The following OR6N1 variants were observed in gnomAD, a reference collection of about 807,000 sequenced individuals.
OR6N1 encodes the protein olfactory receptor family 6 subfamily N member 1.
For missense variants in OR6N1, 394 were observed against 371.7 expected, an observed-to-expected ratio of 1.06 and a Z score of -0.49; for synonymous variants, 170 against 150.7, an observed-to-expected ratio of 1.13 and a Z score of -0.94.
the OR6N1 span, among the ~76,000 whole-genome samples, chr1:158,820,282 G>A: frequency 6.6e-6 from 1 of 152,218 alleles, no homozygotes; most frequent in South Asian, 2.1e-4. Flanking sequence ...GCATGTCACA[G>A]TGCTGCAGAG....
chr1:158,783,163 C>T, the OR6N1 span, among the ~76,000 whole-genome samples: 1 of 152,132 alleles, frequency 6.6e-6, no homozygotes, highest in East Asian at 1.9e-4. Context: ...CCCCTTGTCA[C>T]TTCCCCTCAT....
chr1:158,805,118 G>A, the OR6N1 span, among the ~76,000 whole-genome samples: 1 of 152,136 alleles, frequency 6.6e-6, no homozygotes, highest in East Asian at 1.9e-4. Flanking sequence ...TGTTTGCCCA[G>A]TACAACTGTG....
At chr1:158,798,320 G>T in the OR6N1 span, among the ~76,000 whole-genome samples, 1 of 149,002 alleles carries the variant, frequency 6.7e-6, no homozygotes, top group African/African-American at 2.5e-5. Flanking sequence ...TTTTAAACTT[G>T]AATGCTTAGT....
At chr1:158,829,617 G>A in the OR6N1 span, among the ~76,000 whole-genome samples, 9 of 152,186 alleles carry the variant, frequency 5.9e-5, no homozygotes, top group Middle Eastern at 3.4e-3. Context: ...ACATTTTCTT[G>A]TCTTCTTCTG....
upstream of OR6N1, chr1:158,774,573 A>G (rs1327062896): frequency 6.6e-6 from 1 of 152,162 alleles, no homozygotes; most frequent in East Asian, 1.9e-4. Context: ...ATAAACATAC[A>G]TTTATCGTGT....
chr1:158,778,834 G>A, the OR6N1 span, among the ~76,000 whole-genome samples: 1 of 151,610 alleles, frequency 6.6e-6, no homozygotes, highest in African/African-American at 2.4e-5. Context: ...CTAACACGGT[G>A]AAACCCCGTC....
the OR6N1 span, among the ~76,000 whole-genome samples, chr1:158,837,130 G>A: frequency 2.8e-4 from 42 of 151,684 alleles, no homozygotes; most frequent in Non-Finnish European, 5.2e-4. Flanking sequence ...GTATATGTTG[G>A]GACAATGTTC....
the OR6N1 span, among the ~76,000 whole-genome samples, chr1:158,806,173 G>C: frequency 6.6e-6 from 1 of 152,144 alleles, no homozygotes; most frequent in African/African-American, 2.4e-5. Context: ...AGAAAGAAAA[G>C]GAGCCCAAAA....
At position 158,765,092 on chromosome 1, in the gene OR6N1, T is replaced by A. The variant is rs1440333293; in HGVS notation, c.*652A>T. 1 of 152,176 alleles carries A rather than the reference T, an allele frequency of 6.6e-6. No homozygotes were observed. Among genetic ancestry groups the A allele is most frequent in the Non-Finnish European group, 1.5e-5 (1 of 68,012 alleles). 9.4% of individuals were successfully genotyped at this position (152,176 alleles called of 1,614,324 possible). A position where few individuals can be genotyped will look rare whatever the true frequency, so the allele number is the denominator to read the frequency against. Reference sequence around the variant, plus strand: ...AAATAAAAACAAGTCCTTATTTATTTACTATCACCTACATGTCAGACACTG... The same window carrying A: ...AAATAAAAACAAGTCCTTATTTATTAACTATCACCTACATGTCAGACACTG... On this transcript the variant is annotated 3_prime_UTR_variant, in exon 2 of 2. Coordinates refer to ENST00000641846, the MANE Select transcript of OR6N1 (RefSeq NM_001005185.2).
At chr1:158,826,012 A>G in the OR6N1 span, among the ~76,000 whole-genome samples, 17 of 152,312 alleles carry the variant, frequency 1.1e-4, no homozygotes, top group East Asian at 3.3e-3. Context: ...TTCTAAGCAA[A>G]CTGACACAGG....
the OR6N1 span, among the ~76,000 whole-genome samples, chr1:158,790,807 T>C: frequency 1.3e-5 from 2 of 152,168 alleles, no homozygotes; most frequent in African/African-American, 4.8e-5. Context: ...TGGCCCTGTG[T>C]CCCCACCAAA....
At chr1:158,826,177 A>G in the OR6N1 span, among the ~76,000 whole-genome samples, 1 of 152,114 alleles carries the variant, frequency 6.6e-6, no homozygotes, top group East Asian at 1.9e-4. Flanking sequence ...ATATCATGCT[A>G]ATTACCTAGG....
intron 1 of OR6N1, among the ~76,000 whole-genome samples, chr1:158,767,974 T>C (rs1272325088): frequency 1.3e-5 from 2 of 152,160 alleles, no homozygotes; most frequent in African/African-American, 4.8e-5. Flanking sequence ...GGACTATCTG[T>C]TTCTTGACAG....
chr1:158,828,423 C>G, the OR6N1 span, among the ~76,000 whole-genome samples: 1 of 152,182 alleles, frequency 6.6e-6, no homozygotes, highest in Non-Finnish European at 1.5e-5. Context: ...AACAAAGGAG[C>G]TACAGGCCCC....
chr1:158,807,830 TG>T, the OR6N1 span, among the ~76,000 whole-genome samples: 2 of 22,564 alleles, frequency 8.9e-5, no homozygotes, highest in African/African-American at 2.3e-3. Flanking sequence ...CACTTGTTCT[TG>T]CATCCCTGTT....
intron 1 of OR6N1, among the ~76,000 whole-genome samples, chr1:158,769,696 T>C (rs1314030007): frequency 6.6e-6 from 1 of 152,190 alleles, no homozygotes; most frequent in Non-Finnish European, 1.5e-5. Flanking sequence ...GGCATTTTTC[T>C]AAACCTAGGG....
chr1:158,825,438 C>CAA, the OR6N1 span, among the ~76,000 whole-genome samples: 1 of 101,888 alleles, frequency 9.8e-6, no homozygotes, highest in Admixed American at 1.1e-4. Flanking sequence ...GATTCCATCT[C>CAA]AAAAAAAAAA....
At chr1:158,783,391 T>A in the OR6N1 span, among the ~76,000 whole-genome samples, 1 of 152,220 alleles carries the variant, frequency 6.6e-6, no homozygotes, top group African/African-American at 2.4e-5. Flanking sequence ...GCTAAAGATA[T>A]TTCATATGAA....
At chr1:158,783,036 C>T in the OR6N1 span, among the ~76,000 whole-genome samples, 2 of 152,152 alleles carry the variant, frequency 1.3e-5, no homozygotes, top group Non-Finnish European at 2.9e-5. Context: ...GACAACGTTC[C>T]CTATTAGAGA....
Sources: allele counts gnomAD v4.1 joint callset (sites outside exome capture counted in the v4.1 genomes callset), GRCh38; gene constraint gnomAD v4.1.1; transcripts MANE v1.5; gene names NCBI Gene and HGNC (gene_info 2026-07-23, HGNC 2026-07-21).